The following DLG2 variants were observed in gnomAD, a reference collection of about 807,000 sequenced individuals.
The protein encoded by DLG2 is discs large MAGUK scaffold protein 2, also known as disks large homolog 2.
A neutral mutation model predicts 132.5 loss-of-function variants in DLG2; 45 were observed. The observed-to-expected ratio is 0.34, with a 90% confidence interval of 0.27 to 0.44. The LOEUF (loss-of-function observed/expected upper bound fraction) is 0.44. Among genes scored for constraint, DLG2 ranks in the 20% least tolerant of loss-of-function variants. The pLI, the probability that DLG2 is intolerant of heterozygous loss-of-function variation, is 1.00. For synonymous variants in DLG2, 424 were observed against 419.6 expected, an observed-to-expected ratio of 1.01 and a Z score of -0.13; for missense variants, 1,045 against 1,196.9, an observed-to-expected ratio of 0.87 and a Z score of 1.87.
In DLG2 at chr11:83,829,392, T is replaced by C. The variant is rs553607887; in HGVS notation, c.1722+4222A>G. ...TTGTATTTTTAGTAAAGACAGGGTT[T>C]CACCATGTTGGCCTGGCTGGTCTCA... On this transcript the variant is annotated intron_variant, in intron 17 of 27. Coordinates refer to ENST00000376104, the MANE Select transcript of DLG2 (RefSeq NM_001142699.3). 1.5e-3 allele frequency among the ~76,000 whole-genome samples: 232 copies of C among 152,152 alleles called. 1 individual carries two copies. Among genetic ancestry groups the C allele is most frequent in the Middle Eastern group, 0.01 (3 of 294 alleles).
chr11:84,131,821 T>C (rs924538795), intron 9 of DLG2, among the ~76,000 whole-genome samples: 4 of 152,030 alleles, frequency 2.6e-5, no homozygotes, highest in Non-Finnish European at 4.4e-5. Flanking sequence ...AATGGTTTTC[T>C]TTTGTGATTT....
chr11:83,697,634 G>A (rs1421584311), intron 18 of DLG2, among the ~76,000 whole-genome samples: 3 of 152,206 alleles, frequency 2.0e-5, no homozygotes, highest in African/African-American at 4.8e-5. Context: ...CTTGGGAATG[G>A]TGTTGCTTAG....
intron 21 of DLG2, among the ~76,000 whole-genome samples, chr11:83,518,660 A>G (rs751419106): frequency 3.9e-5 from 6 of 152,182 alleles, no homozygotes; most frequent in Non-Finnish European, 8.8e-5. Context: ...CTATTCGGCC[A>G]TCTTCTAACC....
chr11:85,374,608 C>T (rs2085256528), intron 3 of DLG2, among the ~76,000 whole-genome samples: 1 of 152,118 alleles, frequency 6.6e-6, no homozygotes, highest in Admixed American at 6.5e-5. Context: ...CTCAGCCTCC[C>T]TAAGTGCTGC....
At chr11:84,897,979 T>C (rs79392603) in intron 6 of DLG2, among the ~76,000 whole-genome samples, 1 of 151,880 alleles carries the variant, frequency 6.6e-6, no homozygotes. Flanking sequence ...ACTGTGCTTT[T>C]CTACCCTGAA....
chr11:83,779,857 G>T (rs2094737824), intron 18 of DLG2, among the ~76,000 whole-genome samples: 1 of 152,158 alleles, frequency 6.6e-6, no homozygotes, highest in African/African-American at 2.4e-5. Context: ...GCAAAGAAAA[G>T]ATGTAATGTT....
At chr11:85,522,270 G>A (rs1480009450) in intron 3 of DLG2, among the ~76,000 whole-genome samples, 2 of 152,170 alleles carry the variant, frequency 1.3e-5, no homozygotes, top group Non-Finnish European at 2.9e-5. Context: ...TTGGTTCTGT[G>A]GGTGCACAGA....
chr11:83,874,443 G>A lies in DLG2; in HGVS notation c.1542C>T (p.Leu514=). ...STATRQPSMT[L]QRAVSLEGEP... is the part of the protein sequence containing the mutation. ...ACCCTTCCAGGGAGACGGCCCGTTG[G>A]AGAGTCATTGAAGGCTGACGAGTTG... The change falls in exon 16 of 28, where the codon CTC becomes CTT. Residue 514 remains leucine, a synonymous_variant. Transcript: ENST00000376104. 6.2e-7 allele frequency: 1 copy of A among 1,601,088 alleles called. No individual in the cohort carries two copies. Among genetic ancestry groups the A allele is most frequent in the Non-Finnish European group, 8.5e-7 (1 of 1,172,122 alleles).
chr11:84,092,744 T>C (rs1595065583), intron 10 of DLG2, among the ~76,000 whole-genome samples: 1 of 151,926 alleles, frequency 6.6e-6, no homozygotes, highest in Non-Finnish European at 1.5e-5. Context: ...TCCTAGAAAA[T>C]TACCACAAAC....
At chr11:84,282,349 A>T (rs1320755800) in intron 7 of DLG2, among the ~76,000 whole-genome samples, 1 of 152,098 alleles carries the variant, frequency 6.6e-6, no homozygotes, top group Non-Finnish European at 1.5e-5. Flanking sequence ...TTGACTGGGA[A>T]TGGGGAGGTA....
intron 18 of DLG2, among the ~76,000 whole-genome samples, chr11:83,674,020 T>C (rs617859): frequency 0.33 from 49,973 of 152,110 alleles, 8,449 homozygotes; most frequent in African/African-American, 0.37. Context: ...AATACTTAGT[T>C]ACACATTGTT....
At chr11:84,401,934 T>G (rs1486692014) in intron 7 of DLG2, among the ~76,000 whole-genome samples, 1 of 152,164 alleles carries the variant, frequency 6.6e-6, no homozygotes. Context: ...CAGATGAACT[T>G]CCATAAAGTA....
chr11:84,782,740 A>T (rs1406586835), intron 6 of DLG2, among the ~76,000 whole-genome samples: 1 of 152,156 alleles, frequency 6.6e-6, no homozygotes, highest in Non-Finnish European at 1.5e-5. Context: ...CATAAAAAAC[A>T]TATCTTCTTT....
chr11:83,874,386 G>A, intron 16 of DLG2, 34 bp downstream of exon 16: 4 of 1,468,914 alleles, frequency 2.7e-6, no homozygotes, highest in South Asian at 1.3e-5. Flanking sequence ...TTCCAAGGCT[G>A]CACAGTTTAA....
chr11:84,668,505 A>G (rs1289923132), intron 6 of DLG2, among the ~76,000 whole-genome samples: 1 of 152,200 alleles, frequency 6.6e-6, no homozygotes, highest in Non-Finnish European at 1.5e-5. Flanking sequence ...CCTTTCTGAT[A>G]AAACTAAATT....
chr11:85,336,330 T>C (rs572616242), intron 3 of DLG2: 1 of 153,216 alleles, frequency 6.5e-6, no homozygotes, highest in South Asian at 2.1e-4. Context: ...TCTGCCTTCA[T>C]CCCAGGAGGT....
chr11:84,874,017 C>A (rs1375336527), intron 6 of DLG2, among the ~76,000 whole-genome samples: 7 of 152,176 alleles, frequency 4.6e-5, no homozygotes, highest in Admixed American at 4.6e-4. Flanking sequence ...AGGAAAAACA[C>A]AGAGATTAAA....
chr11:85,412,372 T>C (rs552661747), intron 3 of DLG2, among the ~76,000 whole-genome samples: 41 of 151,852 alleles, frequency 2.7e-4, no homozygotes, highest in Admixed American at 9.2e-4. Context: ...GGATTCCTGA[T>C]GACATTCTTT....
intron 2 of DLG2, among the ~76,000 whole-genome samples, chr11:85,615,386 G>T (rs1190280537): frequency 6.6e-6 from 1 of 151,998 alleles, no homozygotes; most frequent in South Asian, 2.1e-4. Flanking sequence ...GGCATGTGGT[G>T]GGTGCCTGTA....
Sources: allele counts gnomAD v4.1 joint callset (sites outside exome capture counted in the v4.1 genomes callset), GRCh38; gene constraint gnomAD v4.1.1; transcripts MANE v1.5; gene names NCBI Gene and HGNC (gene_info 2026-07-23, HGNC 2026-07-21).